Variants in LINGO2 observed in about 807,000 individuals in gnomAD.
LINGO2 encodes the protein leucine-rich repeat and immunoglobulin-like domain-containing nogo receptor-interacting protein 2.
A neutral mutation model predicts 30.6 loss-of-function variants in LINGO2; 14 were observed. The observed-to-expected ratio is 0.46, with a 90% CI of 0.30 to 0.72. The LOEUF is 0.72. Among genes scored for constraint, LINGO2 ranks in the 30% least tolerant of loss-of-function variants. The pLI is 0.07. For missense variants in LINGO2, 729 were observed against 751.7 expected (o/e 0.97, Z 0.35); for synonymous variants, 317 against 288.5 (o/e 1.10, Z -1.00).
chr9:28,531,406 C>T (rs1821232971), intron 1 of LINGO2, among the ~76,000 whole-genome samples: 1 of 151,976 alleles, frequency 6.6e-6, no homozygotes, highest in African/African-American at 2.4e-5. Flanking sequence ...TATGCTTTGT[C>T]TACATTTTTT....
At chr9:28,042,717 C>A (rs1456604155) in intron 4 of LINGO2, among the ~76,000 whole-genome samples, 1 of 152,076 alleles carries the variant, frequency 6.6e-6, no homozygotes, top group Non-Finnish European at 1.5e-5. Context: ...AATGTACTTG[C>A]TTCATTCATG....
intron 3 of LINGO2, among the ~76,000 whole-genome samples, chr9:28,364,264 A>T (rs1385083893): frequency 6.6e-6 from 1 of 152,106 alleles, no homozygotes; most frequent in Non-Finnish European, 1.5e-5. Flanking sequence ...ATAATTCAAC[A>T]TTCTTTTTTG....
chr9:28,970,924 C>T, the LINGO2 span, among the ~76,000 whole-genome samples: 1 of 152,162 alleles, frequency 6.6e-6, no homozygotes, highest in African/African-American at 2.4e-5. Flanking sequence ...GTACTGGCAT[C>T]ACTCGTCCCT....
intron 2 of LINGO2, among the ~76,000 whole-genome samples, chr9:28,412,687 A>C (rs933205982): frequency 3.3e-5 from 5 of 152,114 alleles, no homozygotes; most frequent in African/African-American, 1.2e-4. Flanking sequence ...TTTTTATTAA[A>C]TATATTTGGT....
intron 5 of LINGO2, among the ~76,000 whole-genome samples, chr9:27,978,484 T>C (rs187559086): frequency 6.6e-6 from 1 of 152,116 alleles, no homozygotes; most frequent in East Asian, 1.9e-4. Context: ...TTAGTGCCCT[T>C]ATAAAAGGGA....
At chr9:28,039,869 G>T (rs1824117946) in intron 4 of LINGO2, among the ~76,000 whole-genome samples, 1 of 152,144 alleles carries the variant, frequency 6.6e-6, no homozygotes, top group Non-Finnish European at 1.5e-5. Flanking sequence ...CCTCTTTGGA[G>T]TGTCCCTCTC....
chr9:28,702,563 T>G, the LINGO2 span, among the ~76,000 whole-genome samples: 1 of 151,906 alleles, frequency 6.6e-6, no homozygotes, highest in Non-Finnish European at 1.5e-5. Context: ...TTTTTGCATT[T>G]ATCTTCATGA....
intron 4 of LINGO2, among the ~76,000 whole-genome samples, chr9:28,244,783 C>A: frequency 6.7e-6 from 1 of 148,178 alleles, no homozygotes; most frequent in East Asian, 2.0e-4. Context: ...AGACCAATAA[C>A]AAGTCCTGAA....
intron 1 of LINGO2, among the ~76,000 whole-genome samples, chr9:28,541,342 G>C (rs369941903): frequency 1.7e-3 from 260 of 152,238 alleles, no homozygotes; most frequent in African/African-American, 6.0e-3. Flanking sequence ...CTGGAGGAGG[G>C]ACACATATTC....
rs1827353740 is a variant in LINGO2, at chr9:28,130,594, A to G, written c.-86-118189T>C. Among the ~76,000 whole-genome samples the G allele has an allele frequency of 6.6e-6, 1 of 152,172 alleles. No homozygotes were observed. On this transcript the variant is annotated intron_variant, in intron 4 of 5. Transcript: ENST00000379992. This position sits in a 1 kb window ranked among gnomAD's most constrained non-coding sequence, Gnocchi z 5.2. ...GGAGAAACAGAACACCTACATGTAA[A>G]GATATAACCAATGTTATCAGAAAGC...
intron 4 of LINGO2, among the ~76,000 whole-genome samples, chr9:28,022,107 AAT>A (rs1287086906): frequency 2.6e-5 from 4 of 151,960 alleles, no homozygotes; most frequent in Non-Finnish European, 5.9e-5. Context: ...CCTCTTTTGG[AAT>A]ATCAGTTATA....
chr9:28,819,405 A>G, the LINGO2 span, among the ~76,000 whole-genome samples: 1 of 152,192 alleles, frequency 6.6e-6, no homozygotes, highest in Non-Finnish European at 1.5e-5. Context: ...ATCCACAAGC[A>G]TTTATAAAAA....
chr9:28,764,929 T>G, the LINGO2 span, among the ~76,000 whole-genome samples: 2 of 151,722 alleles, frequency 1.3e-5, no homozygotes, highest in Admixed American at 1.3e-4. Flanking sequence ...TATCTAAAAA[T>G]AAATTTAACC....
the LINGO2 span, among the ~76,000 whole-genome samples, chr9:28,992,247 C>T: frequency 3.3e-5 from 5 of 151,640 alleles, no homozygotes; most frequent in Admixed American, 6.6e-5. Context: ...TTTAAACCAA[C>T]AAAGATCAAA....
the LINGO2 span, among the ~76,000 whole-genome samples, chr9:29,206,835 CAATA>C: frequency 6.6e-6 from 1 of 152,028 alleles, no homozygotes; most frequent in Non-Finnish European, 1.5e-5. Flanking sequence ...AGTTTATCAA[CAATA>C]AATATTTGCA....
chr9:28,814,625 C>G, the LINGO2 span, among the ~76,000 whole-genome samples: 1 of 151,934 alleles, frequency 6.6e-6, no homozygotes, highest in African/African-American at 2.4e-5. Context: ...TGGTGGCTCA[C>G]GCCTGTAATC....
chr9:28,057,824 C>T (rs1341202440), intron 4 of LINGO2, among the ~76,000 whole-genome samples: 1 of 151,942 alleles, frequency 6.6e-6, no homozygotes, highest in African/African-American at 2.4e-5. Flanking sequence ...CTACCCTTCA[C>T]CTACTTCTGT....
chr9:27,958,744 A>T (rs905331308), intron 5 of LINGO2, among the ~76,000 whole-genome samples: 6 of 151,308 alleles, frequency 4.0e-5, no homozygotes, highest in Non-Finnish European at 8.8e-5. Flanking sequence ...CCACCAGGGA[A>T]CTTGGAACGT....
rs560484854 is a variant in LINGO2 at position 27,986,469 on chromosome 9, C to T, written c.-36+25886G>A. Reference sequence around the variant, plus strand: ...ATTTAGTACTCTCCGGTTATATACGCAGAGTTTGGGCACCATTTAGGAGTA... The same window carrying T: ...ATTTAGTACTCTCCGGTTATATACGTAGAGTTTGGGCACCATTTAGGAGTA... On this transcript the variant is annotated intron_variant, in intron 5 of 5. Transcript: ENST00000379992. 2.6e-5 allele frequency among the ~76,000 whole-genome samples: 4 copies of T among 151,926 alleles called. No individual in the cohort carries two copies. In the South Asian group the frequency reaches 8.3e-4, roughly 32 times the overall value.
Sources: allele counts gnomAD v4.1 joint callset (sites outside exome capture counted in the v4.1 genomes callset), GRCh38; gene constraint gnomAD v4.1.1; non-coding constraint Gnocchi (gnomAD v3.1); transcripts MANE v1.5; gene names NCBI Gene and HGNC (gene_info 2026-07-23, HGNC 2026-07-21).